The following KCNH1 variants were observed in gnomAD, a reference collection of about 807,000 sequenced individuals.
KCNH1 encodes potassium voltage-gated channel subfamily H member 1.
In KCNH1, 27 loss-of-function variants were observed where a neutral mutation model predicts 69.2. The ratio of observed to expected loss-of-function variants is 0.39; its 90% CI spans 0.29 to 0.54. The LOEUF is 0.54. Ranked by LOEUF, KCNH1 falls within the 20% of genes least tolerant of loss-of-function variation. KCNH1 has a pLI of 0.68. For synonymous variants in KCNH1, 456 were observed against 487.7 expected, an observed-to-expected ratio of 0.93 and a Z score of 0.86; for missense variants, 798 against 1,261.6, an observed-to-expected ratio of 0.63 and a Z score of 5.57.
At chr1:210,770,326 A>G (rs928916608) in intron 10 of KCNH1, among the ~76,000 whole-genome samples, 3 of 152,218 alleles carry the variant, frequency 2.0e-5, no homozygotes, top group Non-Finnish European at 4.4e-5. Context: ...TACCTATGTA[A>G]CAAACCTGTA....
chr1:211,003,282 G>A, intron 6 of KCNH1, among the ~76,000 whole-genome samples: 1 of 152,170 alleles, frequency 6.6e-6, no homozygotes, highest in East Asian at 1.9e-4. Flanking sequence ...AAAGAAGTTT[G>A]GAAGGAGAAG....
chr1:210,998,604 A>G (rs964640782), intron 6 of KCNH1, among the ~76,000 whole-genome samples: 1 of 152,108 alleles, frequency 6.6e-6, no homozygotes, highest in South Asian at 2.1e-4. Context: ...ACAGATCAAC[A>G]AGACAGAAAG....
chr1:210,807,327 A>T (rs1189865623), intron 7 of KCNH1, among the ~76,000 whole-genome samples: 1 of 152,058 alleles, frequency 6.6e-6, no homozygotes. Flanking sequence ...TATAAAAGCC[A>T]GGCACAGTGG....
chr1:210,843,503 C>CT (rs1422382754), intron 7 of KCNH1, among the ~76,000 whole-genome samples: 2 of 152,160 alleles, frequency 1.3e-5, no homozygotes, highest in Non-Finnish European at 2.9e-5. Flanking sequence ...TCAGTTATCA[C>CT]TAGGGTTTTG....
At chr1:210,824,567 T>C (rs879820844) in intron 7 of KCNH1, among the ~76,000 whole-genome samples, 22 of 152,202 alleles carry the variant, frequency 1.4e-4, no homozygotes, top group Non-Finnish European at 2.8e-4. Flanking sequence ...TAGATTCTTA[T>C]ACCTGCTTCT....
intron 7 of KCNH1, among the ~76,000 whole-genome samples, chr1:210,855,733 G>T (rs1007714335): frequency 2.6e-5 from 4 of 152,170 alleles, no homozygotes; most frequent in African/African-American, 9.7e-5. Context: ...TCACGACTCA[G>T]CTGGGAGTGC....
chr1:210,853,548 G>T (rs1373909756), intron 7 of KCNH1, among the ~76,000 whole-genome samples: 1 of 152,156 alleles, frequency 6.6e-6, no homozygotes, highest in Non-Finnish European at 1.5e-5. Context: ...CTCCTGGTGG[G>T]CAAGTGCATT....
At chr1:211,058,567 C>G (rs1690358591) in intron 5 of KCNH1, among the ~76,000 whole-genome samples, 1 of 151,908 alleles carries the variant, frequency 6.6e-6, no homozygotes, top group Admixed American at 6.6e-5. Flanking sequence ...ATTCCCAAGC[C>G]TCATGGTAAC....
intron 6 of KCNH1, among the ~76,000 whole-genome samples, chr1:210,928,331 A>C (rs1037333131): frequency 4.6e-5 from 7 of 152,236 alleles, no homozygotes; most frequent in Admixed American, 1.3e-4. Flanking sequence ...AACAGGCCTC[A>C]GTAAAATTAA....
chr1:210,994,219 A>G (rs1340021725), intron 6 of KCNH1, among the ~76,000 whole-genome samples: 1 of 152,192 alleles, frequency 6.6e-6, no homozygotes, highest in Non-Finnish European at 1.5e-5. Context: ...TAAAATAAAA[A>G]GATATTTTCT....
At chr1:210,854,203 T>G (rs1345460219) in intron 7 of KCNH1, among the ~76,000 whole-genome samples, 1 of 152,176 alleles carries the variant, frequency 6.6e-6, no homozygotes, top group Non-Finnish European at 1.5e-5. Context: ...TATACAATAA[T>G]GTATTCCTCC....
At chr1:210,938,370 G>T (rs1249068317) in intron 6 of KCNH1, among the ~76,000 whole-genome samples, 1 of 152,150 alleles carries the variant, frequency 6.6e-6, no homozygotes. Flanking sequence ...CAAGAAGGAA[G>T]ACTTTTTTGC....
chr1:211,112,831 C>A (rs1339629627), intron 1 of KCNH1, among the ~76,000 whole-genome samples: 1 of 152,170 alleles, frequency 6.6e-6, no homozygotes, highest in East Asian at 1.9e-4. Flanking sequence ...GAAATTCTTC[C>A]CCCATCCCTT....
chr1:211,097,741 C>T (rs1341074239), intron 3 of KCNH1, among the ~76,000 whole-genome samples: 1 of 152,212 alleles, frequency 6.6e-6, no homozygotes, highest in Non-Finnish European at 1.5e-5. Flanking sequence ...ACCTGGCCAG[C>T]AGCTTCTCCT....
intron 10 of KCNH1, among the ~76,000 whole-genome samples, chr1:210,761,959 A>T (rs894787474): frequency 1.3e-5 from 2 of 152,206 alleles, no homozygotes; most frequent in Non-Finnish European, 2.9e-5. Flanking sequence ...TCTCATCTGC[A>T]CATGGAACGT....
At chr1:210,788,346 T>G (rs141215472) in intron 9 of KCNH1, among the ~76,000 whole-genome samples, 1 of 152,226 alleles carries the variant, frequency 6.6e-6, no homozygotes, top group Admixed American at 6.5e-5. Flanking sequence ...TTATCCCACT[T>G]AAAGTTATAT....
At chr1:210,922,383 CAAAAAAAAAAAA>C (rs758026291) in intron 6 of KCNH1, among the ~76,000 whole-genome samples, 46 of 98,290 alleles carry the variant, frequency 4.7e-4, no homozygotes, top group African/African-American at 1.4e-3. Flanking sequence ...GACTCCGTCT[CAAAAAAAAAAAA>C]AAAAAAAAAA....
At chr1:210,851,314 A>G (rs1685699002) in intron 7 of KCNH1, among the ~76,000 whole-genome samples, 2 of 152,356 alleles carry the variant, frequency 1.3e-5, no homozygotes, top group African/African-American at 2.4e-5. Flanking sequence ...GAGCTAAGAC[A>G]TAACTATTAC....
chr1:211,092,952 T>C (rs1328421518), intron 3 of KCNH1, among the ~76,000 whole-genome samples: 1 of 152,034 alleles, frequency 6.6e-6, no homozygotes, highest in Non-Finnish European at 1.5e-5. Flanking sequence ...CAGGCTGGAG[T>C]ACATCGTGAG....
Sources: gnomAD v4.1 joint callset for allele counts (sites outside exome capture counted in the v4.1 genomes callset) on GRCh38, gnomAD v4.1.1 for gene constraint, MANE v1.5 for transcripts, NCBI Gene and HGNC (gene_info 2026-07-23, HGNC 2026-07-21) for gene names.